Variants in GRM7 observed in about 807,000 individuals in gnomAD.
GRM7 encodes the protein metabotropic glutamate receptor 7.
GRM7 carries 35 observed loss-of-function variants against 84.5 expected under a neutral mutation model. That is an observed-to-expected ratio of 0.41 (90% CI 0.32 to 0.55). The LOEUF (loss-of-function observed/expected upper bound fraction) is 0.55. GRM7 is among the 20% of genes least tolerant of loss of function. The pLI, the probability that GRM7 is intolerant of heterozygous loss-of-function variation, is 0.19. For missense variants in GRM7, 1,003 were observed against 1,194.6 expected (o/e 0.84, Z 2.36); for synonymous variants, 487 against 455.1 (o/e 1.07, Z -0.89).
chr3:6,950,927 T>C (rs534103946), intron 1 of GRM7, among the ~76,000 whole-genome samples: 8 of 152,216 alleles, frequency 5.3e-5, no homozygotes, highest in Admixed American at 3.9e-4. Flanking sequence ...AGGGTGAGAG[T>C]GACCCGATTT....
intron 4 of GRM7, among the ~76,000 whole-genome samples, chr3:7,366,483 A>C (rs888811379): frequency 4.0e-5 from 6 of 151,870 alleles, no homozygotes; most frequent in African/African-American, 1.4e-4. Context: ...TTTTGAGTGA[A>C]GTATATTAAT....
At chr3:7,628,416 A>T (rs17723381) in intron 8 of GRM7, among the ~76,000 whole-genome samples, 19,986 of 152,154 alleles carry the variant, frequency 0.13, 1,528 homozygotes, top group Non-Finnish European at 0.17. Context: ...TTTACTTAGC[A>T]ATCATTGCAA....
At chr3:7,377,441 C>G (rs1356492406) in intron 4 of GRM7, among the ~76,000 whole-genome samples, 1 of 152,158 alleles carries the variant, frequency 6.6e-6, no homozygotes, top group Non-Finnish European at 1.5e-5. Context: ...TTCTAAACTG[C>G]TTAAGACAGC....
intron 1 of GRM7, among the ~76,000 whole-genome samples, chr3:7,045,058 G>T (rs900762171): frequency 6.6e-6 from 1 of 152,176 alleles, no homozygotes. Context: ...AGAAGATTCT[G>T]TGTTAATGTG....
chr3:7,444,752 A>T (rs959261205), intron 5 of GRM7, among the ~76,000 whole-genome samples: 6 of 152,170 alleles, frequency 3.9e-5, no homozygotes, highest in African/African-American at 1.4e-4. Context: ...CTTTCCTTGC[A>T]CTTACCTGAA....
At chr3:7,278,216 C>A (rs887053875) in intron 2 of GRM7, among the ~76,000 whole-genome samples, 3 of 151,986 alleles carry the variant, frequency 2.0e-5, no homozygotes, top group African/African-American at 7.2e-5. Context: ...GAAGCAATTT[C>A]TGAACTCAAA....
intron 1 of GRM7, among the ~76,000 whole-genome samples, chr3:6,901,922 C>T (rs1400575864): frequency 5.1e-4 from 78 of 151,900 alleles, no homozygotes; most frequent in Non-Finnish European, 5.9e-5. Flanking sequence ...CTTGACTATA[C>T]ATTTTTGTAT....
chr3:7,165,214 C>T (rs748116916), intron 2 of GRM7, among the ~76,000 whole-genome samples: 1 of 152,214 alleles, frequency 6.6e-6, no homozygotes, highest in Non-Finnish European at 1.5e-5. Context: ...CACCCCATGG[C>T]GCATCCCAGT....
At chr3:7,684,798 C>T (rs1274679518) in intron 9 of GRM7, among the ~76,000 whole-genome samples, 2 of 152,102 alleles carry the variant, frequency 1.3e-5, no homozygotes, top group Non-Finnish European at 2.9e-5. Context: ...GCTTGCTAGT[C>T]TCTGCACTTA....
intron 1 of GRM7, among the ~76,000 whole-genome samples, chr3:7,017,683 C>A (rs971400486): frequency 1.3e-5 from 2 of 152,182 alleles, no homozygotes; most frequent in Admixed American, 1.3e-4. Flanking sequence ...GGCCTAACCC[C>A]CTAGAAATCC....
intron 1 of GRM7, among the ~76,000 whole-genome samples, chr3:6,977,351 G>A (rs1355955680): frequency 1.3e-5 from 2 of 152,096 alleles, no homozygotes; most frequent in South Asian, 2.1e-4. Flanking sequence ...TTAAGCTGGC[G>A]TGTGTGTGTT....
chr3:7,501,859 C>T (rs1056200402), intron 7 of GRM7, among the ~76,000 whole-genome samples: 2 of 152,130 alleles, frequency 1.3e-5, no homozygotes, highest in African/African-American at 4.8e-5. Context: ...GTCAGAAAAT[C>T]CAGGTTCTGC....
At position 7,368,097 on chromosome 3, in the gene GRM7, C is replaced by T. The variant is rs990235841; in HGVS notation, c.1034-46926C>T. Among the ~76,000 whole-genome samples, 56 of 151,872 alleles carry T rather than the reference C, an allele frequency of 3.7e-4. 1 individual carries two copies. Among genetic ancestry groups the T allele is most frequent in the Admixed American group, 2.5e-3 (38 of 15,214 alleles). The stretch of plus-strand genomic sequence containing the variant: ...GGACATAGAACAAGTGTAAGAGATG[C>T]ATATAAAGTATAAGACCATCACACC... On this transcript the variant is annotated intron_variant, in intron 4 of 9. Coordinates refer to ENST00000357716, the MANE Select transcript of GRM7 (RefSeq NM_000844.4).
chr3:7,331,402 T>A lies in GRM7; in HGVS notation c.1033+24750T>A, dbSNP rs541550933. Among the ~76,000 whole-genome samples, 6 of 152,342 alleles carry A rather than the reference T, an allele frequency of 3.9e-5. No homozygotes were observed. The South Asian group carries it at 1.2e-3, about 32-fold the overall frequency. On this transcript the variant is annotated intron_variant, in intron 4 of 9. Transcript: ENST00000357716. ...GAGCAGAATTAAATGATCAAAAGGT[T>A]AGATAAAATAATCAAACAATTTGAA...
At chr3:6,978,597 G>A (rs1694084684) in intron 1 of GRM7, among the ~76,000 whole-genome samples, 1 of 152,068 alleles carries the variant, frequency 6.6e-6, no homozygotes, top group Non-Finnish European at 1.5e-5. Context: ...TGCTGGGTTA[G>A]GCAAAATTGC....
At chr3:7,302,397 T>G (rs1700033249) in intron 3 of GRM7, among the ~76,000 whole-genome samples, 1 of 152,158 alleles carries the variant, frequency 6.6e-6, no homozygotes, top group Non-Finnish European at 1.5e-5. Flanking sequence ...TTAATTATAT[T>G]CTTATAACCT....
chr3:7,557,440 A>G (rs1559401051), intron 7 of GRM7, among the ~76,000 whole-genome samples: 2 of 152,206 alleles, frequency 1.3e-5, no homozygotes, highest in Non-Finnish European at 2.9e-5. Context: ...ATTTCAAATT[A>G]GAAAGTATTT....
intron 9 of GRM7, among the ~76,000 whole-genome samples, chr3:7,730,230 T>G (rs1400984699): frequency 1.3e-5 from 2 of 152,094 alleles, no homozygotes; most frequent in African/African-American, 2.4e-5. Context: ...ATGGTCTCAA[T>G]CTCTTGACCT....
chr3:7,408,532 A>G (rs113743832), intron 4 of GRM7, among the ~76,000 whole-genome samples: 5 of 152,312 alleles, frequency 3.3e-5, no homozygotes, highest in African/African-American at 1.2e-4. Context: ...TCATTAGATC[A>G]ATAATGATCT....
Sources: allele counts gnomAD v4.1 joint callset (sites outside exome capture counted in the v4.1 genomes callset), GRCh38; gene constraint gnomAD v4.1.1; transcripts MANE v1.5; gene names NCBI Gene and HGNC (gene_info 2026-07-23, HGNC 2026-07-21).